TTC27: variants seen among roughly 807,000 people sequenced by gnomAD.
The protein encoded by TTC27 is tetratricopeptide repeat protein 27.
TTC27 carries 79 observed loss-of-function variants against 115.9 expected under a neutral mutation model. The ratio of observed to expected loss-of-function variants is 0.68; its 90% confidence interval spans 0.57 to 0.82. The LOEUF is 0.82. Among genes scored for constraint, TTC27 ranks in the 40% least tolerant of loss-of-function variants. The pLI is 0.00. For missense variants in TTC27, 1,054 were observed against 993.1 expected, an observed-to-expected ratio of 1.06 and a Z score of -0.82; for synonymous variants, 401 against 356.0, an observed-to-expected ratio of 1.13 and a Z score of -1.42.
intron 16 of TTC27, among the ~76,000 whole-genome samples, chr2:32,804,401 G>T (rs1184694953): frequency 6.6e-6 from 1 of 152,148 alleles, no homozygotes; most frequent in African/African-American, 2.4e-5. Flanking sequence ...ACAAAGATAT[G>T]CACTAAAGTG....
At chr2:32,755,315 C>T (rs1054739742) in intron 12 of TTC27, among the ~76,000 whole-genome samples, 2 of 152,222 alleles carry the variant, frequency 1.3e-5, no homozygotes, top group African/African-American at 4.8e-5. Flanking sequence ...GTGAATGAGA[C>T]TCCTTCTGCA....
intron 10 of TTC27, among the ~76,000 whole-genome samples, chr2:32,704,627 A>G (rs542619049): frequency 5.3e-5 from 8 of 152,204 alleles, no homozygotes; most frequent in Non-Finnish European, 1.2e-4. Context: ...TTTGTAGCAC[A>G]GGGATCCAAG....
At chr2:32,687,065 G>A (rs1367281866) in intron 9 of TTC27, among the ~76,000 whole-genome samples, 1 of 151,870 alleles carries the variant, frequency 6.6e-6, no homozygotes, top group African/African-American at 2.4e-5. Context: ...GGCTAGTTTC[G>A]AACTCCTGAC....
At chr2:32,793,507 A>G (rs1670603235) in intron 16 of TTC27, among the ~76,000 whole-genome samples, 1 of 152,176 alleles carries the variant, frequency 6.6e-6, no homozygotes, top group African/African-American at 2.4e-5. Flanking sequence ...AAAAGCTAAT[A>G]TTATTGTAAC....
intron 9 of TTC27, among the ~76,000 whole-genome samples, chr2:32,694,670 A>G (rs1023328143): frequency 7.2e-6 from 1 of 139,648 alleles, no homozygotes; most frequent in East Asian, 2.1e-4. Context: ...TAAGATTCCT[A>G]TTTCTTTTTT....
intron 16 of TTC27, among the ~76,000 whole-genome samples, chr2:32,798,695 A>G (rs1264031328): frequency 1.6e-5 from 2 of 121,558 alleles, no homozygotes; most frequent in Non-Finnish European, 1.7e-5. Context: ...ACAGAGCGAG[A>G]CTCCAGCTCA....
At chr2:32,732,486 A>C (rs1229860879) in intron 10 of TTC27, among the ~76,000 whole-genome samples, 1 of 152,216 alleles carries the variant, frequency 6.6e-6, no homozygotes. Context: ...ATTTAGGAGA[A>C]GCCTCCCTGC....
chr2:32,668,200 A>C (rs1187733479), intron 7 of TTC27, among the ~76,000 whole-genome samples: 1 of 151,588 alleles, frequency 6.6e-6, no homozygotes, highest in Non-Finnish European at 1.5e-5. Flanking sequence ...CAAAAAAAAG[A>C]AAATAAACAA....
Position 32,736,341 on chromosome 2 carries a change from T to G in TTC27, c.1330-353T>G, listed in dbSNP as rs189357942. On this transcript the variant is annotated intron_variant, in intron 11 of 19. Coordinates refer to ENST00000317907, the MANE Select transcript of TTC27 (RefSeq NM_017735.5). ...TATTGACTGCTCAGAGTTTTAAAAA[T>G]TAATTTATTGGATCTCAGCCTCATA... Among the ~76,000 whole-genome samples the G allele has an allele frequency of 4.6e-5, 7 of 152,264 alleles. No individual in the cohort carries two copies. In the East Asian group the frequency reaches 1.4e-3, roughly 29 times the overall value.
chr2:32,649,314 A>G (rs1219105980), intron 4 of TTC27, among the ~76,000 whole-genome samples: 1 of 152,128 alleles, frequency 6.6e-6, no homozygotes. Context: ...ATAGAGATGA[A>G]TAAGACATGA....
At chr2:32,750,869 A>G (rs1668986205) in intron 12 of TTC27, among the ~76,000 whole-genome samples, 1 of 152,232 alleles carries the variant, frequency 6.6e-6, no homozygotes, top group Admixed American at 6.5e-5. Flanking sequence ...ATTGGTTTTC[A>G]GTTGACATTG....
At chr2:32,738,042 T>C (rs1215222439) in intron 12 of TTC27, among the ~76,000 whole-genome samples, 1 of 152,136 alleles carries the variant, frequency 6.6e-6, no homozygotes, top group Non-Finnish European at 1.5e-5. Context: ...AGTTATAATA[T>C]TTTTATCCTG....
At chr2:32,785,294 G>A (rs1236908252) in intron 15 of TTC27, among the ~76,000 whole-genome samples, 1 of 152,090 alleles carries the variant, frequency 6.6e-6, no homozygotes, top group Non-Finnish European at 1.5e-5. Flanking sequence ...ATAATGCTCA[G>A]TATGTGAAAT....
chr2:32,795,388 A>C (rs1317198579), intron 16 of TTC27, among the ~76,000 whole-genome samples: 2 of 152,076 alleles, frequency 1.3e-5, no homozygotes, highest in African/African-American at 4.8e-5. Context: ...AAAGCATTTG[A>C]AAAAATTCAG....
chr2:32,676,671 A>C (rs912635891), intron 8 of TTC27, among the ~76,000 whole-genome samples: 9 of 151,782 alleles, frequency 5.9e-5, no homozygotes, highest in African/African-American at 2.2e-4. Flanking sequence ...TTGTAGTTTT[A>C]GTAGAGACGG....
intron 16 of TTC27, among the ~76,000 whole-genome samples, chr2:32,799,067 T>C (rs148672789): frequency 0.016 from 2,505 of 152,206 alleles, 35 homozygotes; most frequent in Middle Eastern, 0.065. Context: ...AGGAAGGAAA[T>C]TGTGACACAT....
At chr2:32,752,576 A>G (rs1034642830) in intron 12 of TTC27, among the ~76,000 whole-genome samples, 2 of 152,242 alleles carry the variant, frequency 1.3e-5, no homozygotes, top group Admixed American at 1.3e-4. Context: ...TAGCATGGTT[A>G]GAATCTCTTT....
chr2:32,735,523 A>G (rs1423367699), intron 11 of TTC27, among the ~76,000 whole-genome samples: 1 of 152,234 alleles, frequency 6.6e-6, no homozygotes. Flanking sequence ...CAGGATCTTC[A>G]GGCAGTTAGA....
chr2:32,685,290 G>A (rs1666592621), intron 9 of TTC27, among the ~76,000 whole-genome samples: 1 of 151,974 alleles, frequency 6.6e-6, no homozygotes, highest in Admixed American at 6.6e-5. Flanking sequence ...TTGGCCTCCC[G>A]AAGTGCTGGG....
Sources: allele counts gnomAD v4.1 joint callset (sites outside exome capture counted in the v4.1 genomes callset), GRCh38; gene constraint gnomAD v4.1.1; transcripts MANE v1.5; gene names NCBI Gene and HGNC (gene_info 2026-07-23, HGNC 2026-07-21).